The following WWC1 variants were observed in gnomAD, a reference collection of about 807,000 sequenced individuals.
WWC1 encodes the protein WW and C2 domain containing 1, also known as protein KIBRA.
In WWC1, 55 loss-of-function variants were observed where a neutral mutation model predicts 138.4. The ratio of observed to expected loss-of-function variants is 0.40; its 90% confidence interval spans 0.32 to 0.50. WWC1 has a LOEUF of 0.50. Ranked by LOEUF, WWC1 falls within the 20% of genes least tolerant of loss-of-function variation. The pLI is 0.72. For missense variants in WWC1, 1,226 were observed against 1,420.4 expected (o/e 0.86, Z 2.20); for synonymous variants, 524 against 564.9 (o/e 0.93, Z 1.03).
At chr5:168,351,843 G>T (rs1307277690) in intron 1 of WWC1, among the ~76,000 whole-genome samples, 2 of 152,170 alleles carry the variant, frequency 1.3e-5, no homozygotes, top group Non-Finnish European at 2.9e-5. Flanking sequence ...CCTAATGGTG[G>T]TGTTGAGTAG....
chr5:168,429,503 C>T (rs1781778510), intron 13 of WWC1, among the ~76,000 whole-genome samples: 2 of 152,100 alleles, frequency 1.3e-5, no homozygotes, highest in Admixed American at 1.3e-4. Context: ...AAATGATCTG[C>T]CCGCCTTGGC....
intron 11 of WWC1, among the ~76,000 whole-genome samples, chr5:168,427,040 G>C (rs1349824124): frequency 6.6e-6 from 1 of 152,226 alleles, no homozygotes. Flanking sequence ...TAAGGTTAGG[G>C]AAGAGGAGGA....
At chr5:168,441,901 TC>T in intron 16 of WWC1, 67 bp downstream of exon 16, 1 of 1,555,170 alleles carries the variant, frequency 6.4e-7, no homozygotes, top group Non-Finnish European at 8.7e-7. Context: ...GGAAAGCCTC[TC>T]CCAGAACTGG....
chr5:168,405,826 A>G (rs1404555638), intron 5 of WWC1, among the ~76,000 whole-genome samples: 3 of 150,570 alleles, frequency 2.0e-5, no homozygotes, highest in Non-Finnish European at 4.4e-5. Context: ...TCCCAGGTTC[A>G]AGCAATTCTC....
chr5:168,303,447 A>G (rs948055604), intron 1 of WWC1, among the ~76,000 whole-genome samples: 1 of 152,048 alleles, frequency 6.6e-6, no homozygotes, highest in African/African-American at 2.4e-5. Flanking sequence ...CATCTCTACA[A>G]ACATTCAAAA....
intron 1 of WWC1, among the ~76,000 whole-genome samples, chr5:168,325,640 C>A (rs1346626836): frequency 6.6e-6 from 1 of 152,156 alleles, no homozygotes; most frequent in Non-Finnish European, 1.5e-5. Context: ...GATTTCTTTT[C>A]CTTTTTAAAA....
Position 168,406,337 on chromosome 5 carries a change from T to C in WWC1, c.720+10T>C. The C allele has an allele frequency of 6.2e-7, 1 of 1,613,248 alleles. No individual in the cohort carries two copies. The highest frequency in any genetic ancestry group is 8.5e-7 in the Non-Finnish European group (1 of 1,179,458). ...GCAAGATCTCATTAAGGTATGCAAG[T>C]TCCTGTTGATGTGGGTGCCATCTTG... On this transcript the variant is annotated intron_variant, in intron 6 of 22. Transcript: ENST00000265293.
chr5:168,430,360 A>G, intron 14 of WWC1, 137 bp downstream of exon 14: 2 of 640,644 alleles, frequency 3.1e-6, no homozygotes, highest in Non-Finnish European at 5.4e-6. Flanking sequence ...TATGACTGTG[A>G]TGCTGAATGT....
At chr5:168,328,413 T>G (rs1249378580) in intron 1 of WWC1, among the ~76,000 whole-genome samples, 1 of 152,178 alleles carries the variant, frequency 6.6e-6, no homozygotes, top group Non-Finnish European at 1.5e-5. Flanking sequence ...AATAGGGGTA[T>G]ATAGTGGTGG....
chr5:168,413,255 T>A (rs916637399), intron 8 of WWC1, among the ~76,000 whole-genome samples: 1 of 152,162 alleles, frequency 6.6e-6, no homozygotes, highest in Non-Finnish European at 1.5e-5. Flanking sequence ...AGAGATGGGG[T>A]GGCCAGGGCG....
chr5:168,436,211 A>T (rs1782340310), intron 15 of WWC1, among the ~76,000 whole-genome samples: 1 of 152,106 alleles, frequency 6.6e-6, no homozygotes, highest in East Asian at 1.9e-4. Flanking sequence ...ACCAGACCAG[A>T]GGCCAGCTCT....
At chr5:168,435,665 C>T (rs1782291515) in intron 15 of WWC1, among the ~76,000 whole-genome samples, 1 of 152,170 alleles carries the variant, frequency 6.6e-6, no homozygotes, top group Non-Finnish European at 1.5e-5. Flanking sequence ...CCCGCCTCAG[C>T]CTCTCAAAGG....
At chr5:168,452,198 G>A (rs989530987) in intron 17 of WWC1, among the ~76,000 whole-genome samples, 10 of 152,284 alleles carry the variant, frequency 6.6e-5, no homozygotes, top group South Asian at 2.1e-4. Context: ...GAGCTACCAC[G>A]CCTGGCCTGT....
rs1780422013 is a variant in WWC1, at chr5:168,414,200, A to G, written c.942-148A>G. 5 of 1,262,782 alleles carry G rather than the reference A, an allele frequency of 4.0e-6. No individual in the cohort carries two copies. In the South Asian group the frequency reaches 8.0e-5, roughly 20 times the overall value. 78.2% of individuals were successfully genotyped at this position (1,262,782 alleles called of 1,614,324 possible). On this transcript the variant is annotated intron_variant, in intron 8 of 22. Transcript: ENST00000265293. ...AGGCACCCACATGTGTTTGTTTAGA[A>G]AAAAAATAGGTTCCTTGAGATGACA...
chr5:168,468,924 G>A (rs977248593), intron 22 of WWC1, 27 bp from the exon 23 acceptor site: 2 of 1,613,590 alleles, frequency 1.2e-6, no homozygotes, highest in South Asian at 1.1e-5. Flanking sequence ...GAAAACCCCT[G>A]CTCTAAAGGG....
intron 1 of WWC1, among the ~76,000 whole-genome samples, chr5:168,356,983 A>G (rs774888850): frequency 6.6e-6 from 1 of 152,086 alleles, no homozygotes; most frequent in Non-Finnish European, 1.5e-5. Flanking sequence ...AAAACAGGGA[A>G]ATAATCATGA....
At chr5:168,364,989 T>C (rs1425029634) in intron 1 of WWC1, among the ~76,000 whole-genome samples, 3 of 152,188 alleles carry the variant, frequency 2.0e-5, no homozygotes, top group African/African-American at 4.8e-5. Flanking sequence ...TGAGAGATGG[T>C]TATTTTTATC....
chr5:168,402,973 T>C (rs1236024177), intron 5 of WWC1, among the ~76,000 whole-genome samples: 1 of 152,000 alleles, frequency 6.6e-6, no homozygotes, highest in Non-Finnish European at 1.5e-5. Context: ...ATTAGAAAAT[T>C]TCTCTTTAGC....
At chr5:168,357,345 A>C (rs1370980044) in intron 1 of WWC1, among the ~76,000 whole-genome samples, 1 of 147,452 alleles carries the variant, frequency 6.8e-6, no homozygotes, top group Non-Finnish European at 1.5e-5. Flanking sequence ...TTTTGGGCCA[A>C]CTGGAAATTC....
Sources: gnomAD v4.1 joint callset for allele counts (sites outside exome capture counted in the v4.1 genomes callset) on GRCh38, gnomAD v4.1.1 for gene constraint, MANE v1.5 for transcripts, NCBI Gene and HGNC (gene_info 2026-07-23, HGNC 2026-07-21) for gene names.